Variants in CFAP92 observed in about 807,000 individuals in gnomAD.
CFAP92 encodes the protein uncharacterized protein CFAP92.
A neutral mutation model predicts 106.3 loss-of-function variants in CFAP92; 86 were observed. That is an observed-to-expected ratio of 0.81 (90% CI 0.68 to 0.97). CFAP92 has a LOEUF of 0.97. CFAP92 is among the 50% of genes least tolerant of loss of function. The pLI, the probability that CFAP92 is intolerant of heterozygous loss-of-function variation, is 0.00. For missense variants in CFAP92, 1,204 were observed against 1,283.8 expected (o/e 0.94, Z 0.95); for synonymous variants, 477 against 506.4 (o/e 0.94, Z 0.78).
At chr3:128,978,582 G>A (rs1450735689) in intron 4 of CFAP92, among the ~76,000 whole-genome samples, 1 of 152,126 alleles carries the variant, frequency 6.6e-6, no homozygotes, top group Non-Finnish European at 1.5e-5. Flanking sequence ...AAGAGATAGA[G>A]ACTCGTACTG....
the CFAP92 span, among the ~76,000 whole-genome samples, chr3:129,008,962 C>T: frequency 6.7e-6 from 1 of 149,760 alleles, no homozygotes; most frequent in Non-Finnish European, 1.5e-5. Context: ...AATAGTCCAT[C>T]CCCACACACA....
chr3:128,953,830 C>G (rs2107743819), intron 9 of CFAP92, among the ~76,000 whole-genome samples: 1 of 124,592 alleles, frequency 8.0e-6, no homozygotes, highest in South Asian at 2.6e-4. Context: ...CGGTCTCCAG[C>G]CCCTAACCGC....
intron 8 of CFAP92, among the ~76,000 whole-genome samples, chr3:128,965,968 T>G (rs1294233636): frequency 6.6e-6 from 1 of 152,182 alleles, no homozygotes; most frequent in Non-Finnish European, 1.5e-5. Context: ...TACAAGTATT[T>G]CCTGAATCAT....
chr3:129,001,323 T>C (rs1043123799), intron 1 of CFAP92, among the ~76,000 whole-genome samples: 1 of 151,554 alleles, frequency 6.6e-6, no homozygotes, highest in Admixed American at 6.6e-5. Context: ...GAACGCCCCG[T>C]GAGTGAGGAG....
the CFAP92 span, among the ~76,000 whole-genome samples, chr3:129,023,120 G>C: frequency 1.6e-4 from 24 of 152,348 alleles, no homozygotes; most frequent in African/African-American, 5.3e-4. Flanking sequence ...ATTTAACAGA[G>C]TTTATCTGAG....
At chr3:129,005,625 G>A (rs560503652), upstream of CFAP92, among the ~76,000 whole-genome samples, 6 of 152,376 alleles carry the variant, frequency 3.9e-5, no homozygotes, top group East Asian at 9.6e-4. Flanking sequence ...CCCAGTGAGG[G>A]GCTCCTGCCA....
At chr3:129,010,268 C>T in the CFAP92 span, among the ~76,000 whole-genome samples, 123 of 152,372 alleles carry the variant, frequency 8.1e-4, no homozygotes, top group Non-Finnish European at 1.5e-3. The surrounding 1 kb of genome is among the most constrained non-coding windows in gnomAD (Gnocchi z 4.3). Context: ...AACCAGTTGC[C>T]TGGCCTGGCC....
chr3:128,987,817 A>T lies in CFAP92; in HGVS notation c.466T>A (p.Trp156Arg). The change falls in exon 4 of 16, where the codon TGG becomes AGG. Residue 156 changes from tryptophan (W) to arginine (R), a missense_variant. Physicochemically the swap from Trp to Arg is moderately radical, Grantham distance 101. Transcript: ENST00000645291. ...LESGVKTVKP[W>R]HEGDKAWVSW... ...ACCCAGGCTTTGTCACCTTCGTGCC[A>T]CGGCTTCACAGTCTGTGTAAAACAA... 1 of 1,608,066 alleles carries T rather than the reference A, an allele frequency of 6.2e-7. No homozygotes were observed. Among genetic ancestry groups the T allele is most frequent in the Non-Finnish European group, 8.5e-7 (1 of 1,176,956 alleles).
intron 10 of CFAP92, among the ~76,000 whole-genome samples, chr3:128,943,368 C>T (rs1207697722): frequency 1.4e-5 from 2 of 144,648 alleles, no homozygotes; most frequent in Non-Finnish European, 1.5e-5. Context: ...TCTCTCTTGC[C>T]CTCCCGAGTG....
intron 9 of CFAP92, among the ~76,000 whole-genome samples, chr3:128,960,458 C>A (rs924626627): frequency 1.3e-5 from 2 of 152,184 alleles, no homozygotes; most frequent in African/African-American, 4.8e-5. Flanking sequence ...CAACCTCTTT[C>A]TCCTTTCAAT....
At chr3:128,962,404 C>T (rs886242201) in intron 9 of CFAP92, among the ~76,000 whole-genome samples, 1 of 152,152 alleles carries the variant, frequency 6.6e-6, no homozygotes, top group Non-Finnish European at 1.5e-5. Context: ...CCAACTTAGA[C>T]AATACTCTTT....
At chr3:128,993,738 C>A (rs1042382722) in intron 1 of CFAP92, 1 of 292,668 alleles carries the variant, frequency 3.4e-6, no homozygotes. Context: ...AGAGGCAAAC[C>A]AGGCCGGGGG....
intron 9 of CFAP92, among the ~76,000 whole-genome samples, chr3:128,958,255 A>G (rs2630262): frequency 0.67 from 101,266 of 152,092 alleles, 35,135 homozygotes; most frequent in African/African-American, 0.88. Context: ...TGACAAAAGT[A>G]TAGAGATAGC....
chr3:129,005,801 C>T (rs1473913637), upstream of CFAP92, among the ~76,000 whole-genome samples: 1 of 152,272 alleles, frequency 6.6e-6, no homozygotes, highest in Non-Finnish European at 1.5e-5. Flanking sequence ...CAGCCTCCTG[C>T]AGCATGCAGT....
chr3:128,985,939 A>T (rs1943828199), intron 4 of CFAP92, among the ~76,000 whole-genome samples: 1 of 152,206 alleles, frequency 6.6e-6, no homozygotes, highest in African/African-American at 2.4e-5. Flanking sequence ...TAGTGGGTAG[A>T]GGCCAGAAAT....
chr3:128,956,546 AAG>A (rs1411458987), intron 9 of CFAP92, among the ~76,000 whole-genome samples: 1 of 152,176 alleles, frequency 6.6e-6, no homozygotes, highest in East Asian at 1.9e-4. Flanking sequence ...ATTAATGACA[AAG>A]AAAGAAAATC....
chr3:128,990,073 A>G (rs1944118718), intron 2 of CFAP92, among the ~76,000 whole-genome samples: 2 of 152,292 alleles, frequency 1.3e-5, no homozygotes, highest in South Asian at 2.1e-4. Context: ...AAGAATGTCT[A>G]TCGCAGAATT....
chr3:128,931,971 T>C (rs948316371), intron 12 of CFAP92, among the ~76,000 whole-genome samples: 3 of 152,112 alleles, frequency 2.0e-5, no homozygotes, highest in Admixed American at 1.3e-4. Context: ...TGACCCATGA[T>C]CAAGTCATAG....
rs918560226 is a variant in CFAP92, at chr3:128,909,918, G to A, written c.*381C>T. ...GGTGTTATTGACTCCACTTTCTCAA[G>A]GAACACAGGAGACTAAGACAGGCAA... On this transcript the variant is annotated 3_prime_UTR_variant, in exon 16 of 16. Coordinates refer to ENST00000645291, the MANE Select transcript of CFAP92 (RefSeq NM_001394090.1). 2.6e-6 allele frequency: 4 copies of A among 1,523,112 alleles called. No individual in the cohort carries two copies. The highest frequency in any genetic ancestry group is 3.6e-6 in the Non-Finnish European group (4 of 1,114,606). 94.3% of individuals were successfully genotyped at this position (1,523,112 alleles called of 1,614,324 possible).
Sources: allele counts gnomAD v4.1 joint callset (sites outside exome capture counted in the v4.1 genomes callset), GRCh38; gene constraint gnomAD v4.1.1; non-coding constraint Gnocchi (gnomAD v3.1); transcripts MANE v1.5; gene names NCBI Gene and HGNC (gene_info 2026-07-23, HGNC 2026-07-21).